The following RELN variants were observed in gnomAD, a reference collection of about 807,000 sequenced individuals.
RELN encodes reelin.
RELN carries 108 observed loss-of-function variants against 427.6 expected under a neutral mutation model. That is an observed-to-expected ratio of 0.25 (90% CI 0.22 to 0.30). The LOEUF (loss-of-function observed/expected upper bound fraction) is 0.30, where lower values mean the gene tolerates loss of function less well. Ranked by LOEUF, RELN falls within the 10% of genes least tolerant of loss-of-function variation. The pLI is 1.00. For synonymous variants in RELN, 1,524 were observed against 1,513.4 expected, an observed-to-expected ratio of 1.01 and a Z score of -0.16; for missense variants, 3,715 against 4,302.8, an observed-to-expected ratio of 0.86 and a Z score of 3.82.
In RELN at chr7:103,833,654, T is replaced by C. The variant is rs770981899; in HGVS notation, c.356A>G (p.Gln119Arg). 7 of 1,613,828 alleles carry C rather than the reference T, an allele frequency of 4.3e-6. No homozygotes were observed. In the South Asian group the frequency reaches 7.7e-5, roughly 18 times the overall value. The change falls in exon 3 of 65, where the codon CAG (glutamine) becomes CGG (arginine). Residue 119 changes from glutamine (Q) to arginine (R), a missense_variant. Gln to Arg is a conservative substitution (Grantham distance 43). Transcript: ENST00000428762. Reference protein sequence around the residue: ...AFGFGIMSDHQFGNQFMCSVV... With the variant: ...AFGFGIMSDHRFGNQFMCSVV... ...ACTGCACATAAACTGGTTACCAAAC[T>C]GGTGGTCAGACATGATCCCTAAGAG...
At chr7:103,689,822 G>A (rs562174329) in intron 10 of RELN, among the ~76,000 whole-genome samples, 34 of 152,292 alleles carry the variant, frequency 2.2e-4, no homozygotes, top group African/African-American at 8.2e-4. Context: ...GGCAGCTGCA[G>A]CAGCTCCAGG....
At position 103,832,170 on chromosome 7, in the gene RELN, G is replaced by A. The variant is rs943159291; in HGVS notation, c.473+1367C>T. The stretch of plus-strand genomic sequence containing the variant: ...GTTTGTCATCAAGAGGGAAGAAAAG[G>A]CAGTGGTAAATTTTAGAGTACACAG... On this transcript the variant is annotated intron_variant, in intron 3 of 64. Transcript: ENST00000428762. Among the ~76,000 whole-genome samples the A allele has an allele frequency of 4.0e-4, 61 of 152,104 alleles. 1 individual carries two copies. The highest frequency in any genetic ancestry group is 1.4e-3 in the African/African-American group (57 of 41,420).
intron 61 of RELN, among the ~76,000 whole-genome samples, chr7:103,485,823 G>T (rs961623091): frequency 6.6e-6 from 1 of 152,092 alleles, no homozygotes; most frequent in African/African-American, 2.4e-5. Flanking sequence ...GCATATGTTT[G>T]CATTGCTACA....
chr7:103,974,614 T>C (rs372016604), intron 1 of RELN, among the ~76,000 whole-genome samples: 1 of 152,260 alleles, frequency 6.6e-6, no homozygotes, highest in East Asian at 1.9e-4. Flanking sequence ...TGTAATTTAA[T>C]GAAGATGCAG....
intron 1 of RELN, among the ~76,000 whole-genome samples, chr7:103,942,569 T>C (rs1408989453): frequency 1.3e-5 from 2 of 152,058 alleles, no homozygotes; most frequent in Non-Finnish European, 2.9e-5. Context: ...CGGCAGAATG[T>C]GGGAATGGAA....
At chr7:103,955,472 C>T (rs867122347) in intron 1 of RELN, among the ~76,000 whole-genome samples, 7 of 152,198 alleles carry the variant, frequency 4.6e-5, no homozygotes, top group African/African-American at 1.2e-4. Context: ...TGATTCTACA[C>T]CATCCATATT....
chr7:103,516,442 C>T (rs990999936), intron 49 of RELN, among the ~76,000 whole-genome samples: 12 of 151,994 alleles, frequency 7.9e-5, no homozygotes, highest in African/African-American at 2.4e-4. Flanking sequence ...CGCATGCCAA[C>T]ATGCCTGGAT....
intron 1 of RELN, among the ~76,000 whole-genome samples, chr7:103,973,057 C>T (rs1262833901): frequency 6.6e-6 from 1 of 152,184 alleles, no homozygotes. Flanking sequence ...AAAAAGAATT[C>T]TGTGTAGAAT....
chr7:103,654,813 C>A (rs1412833565), intron 12 of RELN, among the ~76,000 whole-genome samples: 9 of 151,806 alleles, frequency 5.9e-5, no homozygotes. Context: ...AAACAATATG[C>A]CATTGAAGCT....
At chr7:103,830,676 T>G (rs1295064498) in intron 3 of RELN, among the ~76,000 whole-genome samples, 1 of 151,998 alleles carries the variant, frequency 6.6e-6, no homozygotes, top group East Asian at 1.9e-4. Context: ...GGTAAAAAAT[T>G]GCAAGAATTT....
intron 48 of RELN, among the ~76,000 whole-genome samples, 158 bp downstream of exon 48, chr7:103,521,864 A>C (rs1369511211): frequency 2.0e-5 from 3 of 152,230 alleles, no homozygotes; most frequent in Admixed American, 2.0e-4. Context: ...TCTTTATAGC[A>C]TAAAGATTTG....
intron 4 of RELN, among the ~76,000 whole-genome samples, chr7:103,757,010 C>T (rs1483479562): frequency 6.6e-6 from 1 of 151,960 alleles, no homozygotes; most frequent in Non-Finnish European, 1.5e-5. Flanking sequence ...TTTTCTAAGC[C>T]CGTAGGAAGT....
rs79361193 is a variant in RELN, at chr7:103,535,106, C to T, written c.7349+210G>A. 0.017 allele frequency among the ~76,000 whole-genome samples: 2,589 copies of T among 152,226 alleles called. 78 individuals carry two copies. Among genetic ancestry groups the T allele is most frequent in the African/African-American group, 0.059 (2,463 of 41,524 alleles). On this transcript the variant is annotated intron_variant, in intron 46 of 64. Coordinates refer to ENST00000428762, the MANE Select transcript of RELN (RefSeq NM_005045.4). The stretch of plus-strand genomic sequence containing the variant: ...TATTAGAGTTAAAAGTCAGTAAAGG[C>T]CTGGCTTTTGGGAAAACATGGAATA...
At chr7:103,747,057 T>C (rs1206922974) in intron 6 of RELN, among the ~76,000 whole-genome samples, 1 of 152,118 alleles carries the variant, frequency 6.6e-6, no homozygotes, top group East Asian at 1.9e-4. Context: ...ATGTGTCACA[T>C]ATACACCATG....
chr7:103,577,813 G>T (rs1831039301), intron 28 of RELN, among the ~76,000 whole-genome samples: 1 of 152,186 alleles, frequency 6.6e-6, no homozygotes, highest in Non-Finnish European at 1.5e-5. Context: ...AGTCCTCTTG[G>T]ATTAGAAGTC....
At chr7:103,778,834 C>T (rs151246807) in intron 3 of RELN, among the ~76,000 whole-genome samples, 2 of 152,306 alleles carry the variant, frequency 1.3e-5, no homozygotes, top group African/African-American at 4.8e-5. Context: ...ATTCTTCAAA[C>T]AAATATGGAA....
At chr7:103,650,468 T>C in intron 15 of RELN, 85 bp from the exon 16 acceptor site, 1 of 880,396 alleles carries the variant, frequency 1.1e-6, no homozygotes, top group Non-Finnish European at 1.9e-6. Flanking sequence ...TGTTCTAGCT[T>C]CTGTGTGCTT....
Position 103,472,696 on chromosome 7 carries a change from A to T in RELN, c.*116T>A. On this transcript the variant is annotated 3_prime_UTR_variant, in exon 65 of 65. Transcript: ENST00000428762. The stretch of plus-strand genomic sequence containing the variant: ...ACACTCGGTCTTGAGAAGGGCTTTC[A>T]GGTAATCACCAAGTCCTTCACAGAT... 1 of 823,402 alleles carries T rather than the reference A, an allele frequency of 1.2e-6. No individual in the cohort carries two copies. The highest frequency in any genetic ancestry group is 2.1e-6 in the Non-Finnish European group (1 of 486,160). The allele number at this position is 823,402 out of a possible 1,614,324, so 51.0% of individuals were successfully genotyped here.
intron 2 of RELN, among the ~76,000 whole-genome samples, chr7:103,841,725 T>C (rs1177844945): frequency 6.6e-6 from 1 of 152,174 alleles, no homozygotes; most frequent in African/African-American, 2.4e-5. Flanking sequence ...AATGTACATA[T>C]GTTCATAAAA....
Sources: allele counts gnomAD v4.1 joint callset (sites outside exome capture counted in the v4.1 genomes callset), GRCh38; gene constraint gnomAD v4.1.1; transcripts MANE v1.5; gene names NCBI Gene and HGNC (gene_info 2026-07-23, HGNC 2026-07-21).